The following CPXM2 variants were observed in gnomAD, a reference collection of about 807,000 sequenced individuals.
CPXM2 encodes inactive carboxypeptidase-like protein X2.
CPXM2 carries 66 observed loss-of-function variants against 86.1 expected under a neutral mutation model. The observed-to-expected ratio is 0.77, with a 90% CI of 0.63 to 0.94. CPXM2 has a LOEUF of 0.94. CPXM2 is among the 40% of genes least tolerant of loss of function. CPXM2 has a pLI of 0.00. For synonymous variants in CPXM2, 388 were observed against 400.2 expected (o/e 0.97, Z 0.36); for missense variants, 948 against 1,026.3 (o/e 0.92, Z 1.04).
At chr10:123,927,139 C>T (rs1192356583) in intron 2 of CPXM2, among the ~76,000 whole-genome samples, 1 of 152,124 alleles carries the variant, frequency 6.6e-6, no homozygotes, top group African/African-American at 2.4e-5. Flanking sequence ...CACAGGGGTC[C>T]CCTCATGCAT....
intron 2 of CPXM2, among the ~76,000 whole-genome samples, chr10:123,920,618 T>A (rs991259289): frequency 6.6e-6 from 1 of 152,250 alleles, no homozygotes; most frequent in Non-Finnish European, 1.5e-5. Context: ...TTTTATTTTT[T>A]AATATTTTCC....
At chr10:123,752,704 C>G (rs1436838502) in intron 13 of CPXM2, 1 of 798,228 alleles carries the variant, frequency 1.3e-6, no homozygotes, top group Non-Finnish European at 1.5e-6. Flanking sequence ...AAGGAAGGAG[C>G]ACCAGATTTG....
At chr10:123,869,786 T>C (rs1353690801) in intron 2 of CPXM2, among the ~76,000 whole-genome samples, 1 of 152,196 alleles carries the variant, frequency 6.6e-6, no homozygotes, top group Admixed American at 6.5e-5. Context: ...CTCATCATCA[T>C]CATCATCATC....
In CPXM2 at chr10:123,811,810, C is replaced by T. The variant is rs143226513; in HGVS notation, c.654-12611G>A. 3.0e-4 allele frequency among the ~76,000 whole-genome samples: 46 copies of T among 151,654 alleles called. No homozygotes were observed. In the East Asian group the frequency reaches 3.3e-3, roughly 11 times the overall value. On this transcript the variant is annotated intron_variant, in intron 4 of 13. Coordinates refer to ENST00000241305, the MANE Select transcript of CPXM2 (RefSeq NM_198148.3). The stretch of plus-strand genomic sequence containing the variant: ...ATATTTCATAGCAAAGGTAACCAAA[C>T]GGCAAATAAACATAGGAAAGGAAGT...
chr10:123,795,648 G>A (rs1847320030), intron 6 of CPXM2, among the ~76,000 whole-genome samples: 1 of 152,006 alleles, frequency 6.6e-6, no homozygotes, highest in East Asian at 1.9e-4. Context: ...GACCCCATCA[G>A]GCAGCATGCG....
At chr10:123,831,570 G>A (rs772467809) in intron 4 of CPXM2, among the ~76,000 whole-genome samples, 22 of 152,182 alleles carry the variant, frequency 1.4e-4, no homozygotes, top group African/African-American at 2.6e-4. Flanking sequence ...TGGTTCTGGC[G>A]GTCAGAAGTC....
chr10:123,767,696 A>C lies in CPXM2; in HGVS notation c.1300-544T>G, dbSNP rs79052137. On this transcript the variant is annotated intron_variant, in intron 9 of 13. Transcript: ENST00000241305. The stretch of plus-strand genomic sequence containing the variant: ...TTGAGATATATCACTGTCAATACAC[A>C]ACACAACATAATACTAACTATATGT... 9.9e-3 allele frequency among the ~76,000 whole-genome samples: 1,515 copies of C among 152,382 alleles called. 38 individuals are homozygous for C. Among genetic ancestry groups the C allele is most frequent in the East Asian group, 0.073 (381 of 5,188 alleles).
chr10:123,789,528 G>A (rs1191014944), intron 6 of CPXM2, among the ~76,000 whole-genome samples: 1 of 152,144 alleles, frequency 6.6e-6, no homozygotes, highest in Non-Finnish European at 1.5e-5. Flanking sequence ...ATCAACATTG[G>A]GCAGCTGGAC....
intron 4 of CPXM2, among the ~76,000 whole-genome samples, chr10:123,835,582 G>A (rs1848261015): frequency 6.6e-6 from 1 of 152,170 alleles, no homozygotes; most frequent in Admixed American, 6.5e-5. Context: ...AGGTTAGAAA[G>A]GAGTTTGGAA....
chr10:123,828,530 C>A (rs1848093962), intron 4 of CPXM2, among the ~76,000 whole-genome samples: 1 of 152,206 alleles, frequency 6.6e-6, no homozygotes, highest in South Asian at 2.1e-4. Flanking sequence ...TGCACAAGCT[C>A]TCTCTTGCCT....
chr10:123,929,012 G>T (rs1945645447), intron 2 of CPXM2, among the ~76,000 whole-genome samples: 1 of 152,192 alleles, frequency 6.6e-6, no homozygotes, highest in South Asian at 2.1e-4. Context: ...CACTCCTACA[G>T]GGGGCCTATA....
chr10:123,815,186 C>G (rs1175124447), intron 4 of CPXM2, among the ~76,000 whole-genome samples: 1 of 152,110 alleles, frequency 6.6e-6, no homozygotes, highest in African/African-American at 2.4e-5. Flanking sequence ...GTTCAGTGGG[C>G]AAAGTGATGA....
Position 123,761,866 on chromosome 10 carries a change from G to A in CPXM2, c.1777+6C>T. 6.2e-7 allele frequency: 1 copy of A among 1,611,830 alleles called. No homozygotes were observed. Among genetic ancestry groups the A allele is most frequent in the South Asian group, 1.1e-5 (1 of 90,786 alleles). ...GCAGCCCACTCTCCCCCAGAGGGAGGCTTACTTCCAGCGACGGTGTGCCAG... is the reference window on the plus strand; with the variant it reads ...GCAGCCCACTCTCCCCCAGAGGGAGACTTACTTCCAGCGACGGTGTGCCAG... On this transcript the variant is annotated splice_donor_region_variant and intron_variant, in intron 11 of 13. Transcript: ENST00000241305.
intron 11 of CPXM2, among the ~76,000 whole-genome samples, chr10:123,758,066 G>A (rs746791080): frequency 2.0e-4 from 31 of 152,072 alleles, no homozygotes; most frequent in Non-Finnish European, 2.9e-4. Context: ...TTGGGGACTC[G>A]TAGGCAAACC....
intron 4 of CPXM2, among the ~76,000 whole-genome samples, chr10:123,801,034 G>T (rs1175402085): frequency 2.0e-5 from 3 of 152,228 alleles, no homozygotes; most frequent in Admixed American, 2.0e-4. Flanking sequence ...ATTCACCCAG[G>T]GAGACCAAAA....
intron 2 of CPXM2, among the ~76,000 whole-genome samples, chr10:123,915,209 CT>C (rs1945525593): frequency 6.6e-6 from 1 of 152,198 alleles, no homozygotes; most frequent in Non-Finnish European, 1.5e-5. Context: ...ACATCTGACT[CT>C]GCACATCATC....
At chr10:123,838,449 A>G (rs1564792045) in intron 4 of CPXM2, among the ~76,000 whole-genome samples, 1 of 152,196 alleles carries the variant, frequency 6.6e-6, no homozygotes, top group Non-Finnish European at 1.5e-5. Context: ...GCGAGACTCC[A>G]TCTAAAAAGT....
At chr10:123,918,292 T>C (rs758219731) in intron 2 of CPXM2, among the ~76,000 whole-genome samples, 32 of 152,210 alleles carry the variant, frequency 2.1e-4, no homozygotes, top group Non-Finnish European at 3.5e-4. Context: ...GCTGAAATAT[T>C]ATGCAGCCAT....
intron 2 of CPXM2, among the ~76,000 whole-genome samples, chr10:123,934,422 T>A (rs1945696459): frequency 2.6e-5 from 4 of 151,754 alleles, no homozygotes; most frequent in Admixed American, 2.6e-4. Context: ...CGCCAATCCC[T>A]GCCTCTGTTT....
Sources: gnomAD v4.1 joint callset for allele counts (sites outside exome capture counted in the v4.1 genomes callset) on GRCh38, gnomAD v4.1.1 for gene constraint, MANE v1.5 for transcripts, NCBI Gene and HGNC (gene_info 2026-07-23, HGNC 2026-07-21) for gene names.